Variants in DFFB observed in about 807,000 individuals in gnomAD.
DFFB encodes the protein DNA fragmentation factor 40 kDa subunit.
In DFFB, 29 loss-of-function variants were observed where a neutral mutation model predicts 32.7. The ratio of observed to expected loss-of-function variants is 0.89; its 90% CI spans 0.66 to 1.21. The LOEUF (loss-of-function observed/expected upper bound fraction) is 1.21. Among genes scored for constraint, DFFB ranks in the 50% most tolerant of loss-of-function variants. The pLI, the probability that DFFB is intolerant of heterozygous loss-of-function variation, is 0.00. For missense variants in DFFB, 398 were observed against 440.6 expected, an observed-to-expected ratio of 0.90 and a Z score of 0.87; for synonymous variants, 170 against 177.1, an observed-to-expected ratio of 0.96 and a Z score of 0.32.
intron 2 of DFFB, 45 bp downstream of exon 2, chr1:3,858,889 C>A: frequency 6.2e-7 from 1 of 1,605,440 alleles, no homozygotes; most frequent in South Asian, 1.1e-5. Flanking sequence ...CTGGCACTCT[C>A]CGAGGTCCTG....
chr1:3,881,509 G>T (rs80228892), intron 6 of DFFB, among the ~76,000 whole-genome samples: 3,989 of 152,304 alleles, frequency 0.026, 114 homozygotes, highest in African/African-American at 0.071. Context: ...TAGCTTGCCT[G>T]TGTGCACTAA....
At chr1:3,875,405 C>T (rs2124759080) in intron 6 of DFFB, among the ~76,000 whole-genome samples, 1 of 152,262 alleles carries the variant, frequency 6.6e-6, no homozygotes, top group Middle Eastern at 3.4e-3. Context: ...AGCTTGAGTC[C>T]CTCTAGTGAG....
chr1:3,859,705 C>T (rs1644842347), intron 2 of DFFB, among the ~76,000 whole-genome samples: 1 of 152,194 alleles, frequency 6.6e-6, no homozygotes, highest in Non-Finnish European at 1.5e-5. Flanking sequence ...GGTGTGTGCT[C>T]CAAGGTTGCA....
intron 6 of DFFB, among the ~76,000 whole-genome samples, chr1:3,882,665 T>C (rs376818551): frequency 4.2e-4 from 64 of 152,124 alleles, no homozygotes; most frequent in African/African-American, 1.4e-3. Context: ...GCGCCTGGCC[T>C]CATTTGTTTC....
chr1:3,869,810 G>A, intron 5 of DFFB, 35 bp downstream of exon 5: 1 of 1,557,548 alleles, frequency 6.4e-7, no homozygotes, highest in African/African-American at 1.4e-5. Flanking sequence ...GGGCCACCCG[G>A]CTGGCCTGTG....
intron 1 of DFFB, among the ~76,000 whole-genome samples, chr1:3,858,383 A>G (rs1644802736): frequency 6.6e-6 from 1 of 152,196 alleles, no homozygotes; most frequent in East Asian, 1.9e-4. Flanking sequence ...GGTGGTGTTC[A>G]GCTCCTGGCA....
At chr1:3,876,415 T>C (rs2124760852) in intron 6 of DFFB, among the ~76,000 whole-genome samples, 1 of 152,256 alleles carries the variant, frequency 6.6e-6, no homozygotes, top group Non-Finnish European at 1.5e-5. Flanking sequence ...TGCGGTTATA[T>C]TTTCTCTCAC....
intron 4 of DFFB, among the ~76,000 whole-genome samples, chr1:3,868,687 AC>A (rs1362874345): frequency 7.2e-3 from 1,008 of 139,954 alleles, no homozygotes; most frequent in East Asian, 0.014. Context: ...ACGCCACACC[AC>A]ACCAGGCCAC....
chr1:3,864,742 T>C (rs1371378307), intron 2 of DFFB, among the ~76,000 whole-genome samples: 1 of 151,888 alleles, frequency 6.6e-6, no homozygotes, highest in Non-Finnish European at 1.5e-5. Flanking sequence ...TTTTTAGAGA[T>C]GGGGTCTTGG....
intron 6 of DFFB, 62 bp downstream of exon 6, chr1:3,872,634 C>CCCTGTCCCTGCCGCGGT: frequency 6.9e-7 from 1 of 1,445,176 alleles, no homozygotes; most frequent in Non-Finnish European, 9.7e-7. Flanking sequence ...CCTGCCGTGG[C>CCCTGTCCCTGCCGCGGT]CCTGTCCCTG....
chr1:3,867,246 C>T (rs993584128), intron 3 of DFFB, among the ~76,000 whole-genome samples: 8 of 152,372 alleles, frequency 5.3e-5, no homozygotes, highest in South Asian at 4.1e-4. Context: ...GTACATACCA[C>T]GCCATCTATT....
Position 3,866,069 on chromosome 1 carries a change from T to C in DFFB, c.430+69T>C, listed in dbSNP as rs916184791. On this transcript the variant is annotated intron_variant, in intron 3 of 6. Transcript: ENST00000378209. ...CCTGAGGTGCCAGAAGAAGTTGGAT[T>C]CCAAAAAGCCCCCAGTGAAGGGCTG... is the stretch of plus-strand genomic sequence containing the variant. 18 of 1,344,676 alleles carry C rather than the reference T, an allele frequency of 1.3e-5. No homozygotes were observed. In the Admixed American group the frequency reaches 4.3e-4, roughly 32 times the overall value. 83.3% of individuals were successfully genotyped at this position (1,344,676 alleles called of 1,614,324 possible). A position where few individuals can be genotyped will look rare whatever the true frequency, so the allele number is the denominator to read the frequency against.
chr1:3,877,486 C>T lies in DFFB; in HGVS notation c.782+4914C>T, dbSNP rs577749621. Among the ~76,000 whole-genome samples the T allele has an allele frequency of 1.8e-4, 28 of 151,960 alleles. No homozygotes were observed. The South Asian group carries it at 3.7e-3, about 20-fold the overall frequency. On this transcript the variant is annotated intron_variant, in intron 6 of 6. Transcript: ENST00000378209. Reference sequence around the variant, plus strand: ...CTGGGATTACAGGTGCGTGCCACCCCGCCTGGCTAATTTTTGTACTTTTGG... The same window carrying T: ...CTGGGATTACAGGTGCGTGCCACCCTGCCTGGCTAATTTTTGTACTTTTGG...
intron 2 of DFFB, among the ~76,000 whole-genome samples, chr1:3,859,543 C>A (rs771057303): frequency 6.6e-6 from 1 of 152,118 alleles, no homozygotes; most frequent in Non-Finnish European, 1.5e-5. Context: ...CTTCTGGCAG[C>A]CCAGGAAGGA....
At chr1:3,857,844 C>A in intron 1 of DFFB, 127 bp downstream of exon 1, 1 of 652,796 alleles carries the variant, frequency 1.5e-6, no homozygotes, top group Non-Finnish European at 2.4e-6. Context: ...TCGTTCGCCT[C>A]AGCCGCTAGG....
intron 6 of DFFB, among the ~76,000 whole-genome samples, chr1:3,873,771 A>C (rs1381639030): frequency 6.6e-6 from 1 of 152,142 alleles, no homozygotes; most frequent in Non-Finnish European, 1.5e-5. Flanking sequence ...GAGCCACTGC[A>C]TCCGGCCAGA....
intron 5 of DFFB, 139 bp downstream of exon 5, chr1:3,869,914 C>A: frequency 2.2e-6 from 2 of 898,930 alleles, no homozygotes; most frequent in Non-Finnish European, 3.3e-6. Context: ...CTCACATTCC[C>A]AGGGAGGGCG....
chr1:3,869,369 C>G (rs768071293), intron 4 of DFFB, among the ~76,000 whole-genome samples: 1 of 152,228 alleles, frequency 6.6e-6, no homozygotes, highest in South Asian at 2.1e-4. Flanking sequence ...CCTGTTATCT[C>G]ATCTAAGTCT....
Position 3,883,915 on chromosome 1 carries a change from G to T in DFFB, c.*174G>T, listed in dbSNP as rs1039175542. The T allele has an allele frequency of 1.2e-5, 7 of 604,760 alleles. No individual in the cohort carries two copies. The highest frequency in any genetic ancestry group is 3.1e-5 in the Admixed American group (1 of 32,782). 37.5% of individuals were successfully genotyped at this position (604,760 alleles called of 1,614,324 possible). ...TTTCATTACATTTCTGAATTGTTGG[G>T]GTTTTTTTTGTTGTTTTGTTTTGTT... On this transcript the variant is annotated 3_prime_UTR_variant, in exon 7 of 7. Coordinates refer to ENST00000378209, the MANE Select transcript of DFFB (RefSeq NM_004402.4).
Sources: allele counts gnomAD v4.1 joint callset (sites outside exome capture counted in the v4.1 genomes callset), GRCh38; gene constraint gnomAD v4.1.1; transcripts MANE v1.5; gene names NCBI Gene and HGNC (gene_info 2026-07-23, HGNC 2026-07-21).